Variants in EXD3 observed in about 807,000 individuals in gnomAD.
EXD3 encodes exonuclease 3'-5' domain containing 3, also known as exonuclease mut-7 homolog.
In EXD3, 92 loss-of-function variants were observed where a neutral mutation model predicts 98.0. That is an observed-to-expected ratio of 0.94 (90% CI 0.79 to 1.12). The LOEUF (loss-of-function observed/expected upper bound fraction) is 1.12. Among genes scored for constraint, EXD3 ranks in the 50% most tolerant of loss-of-function variants. The pLI is 0.00. For synonymous variants in EXD3, 569 were observed against 526.0 expected, an observed-to-expected ratio of 1.08 and a Z score of -1.12; for missense variants, 1,222 against 1,191.6, an observed-to-expected ratio of 1.03 and a Z score of -0.38.
At chr9:137,417,487 CCCCACAG>C in intron 1 of EXD3, among the ~76,000 whole-genome samples, 1 of 152,288 alleles carries the variant, frequency 6.6e-6, no homozygotes, top group Non-Finnish European at 1.5e-5. Context: ...CGTGGCCACA[CCCCACAG>C]CCCACCCGTT....
chr9:137,396,632 C>T (rs143309652), intron 1 of EXD3, among the ~76,000 whole-genome samples: 306 of 152,320 alleles, frequency 2.0e-3, no homozygotes, highest in African/African-American at 7.1e-3. Context: ...CAACACGCAC[C>T]CCTAAACACA....
At chr9:137,380,244 A>C (rs1836162269) in intron 3 of EXD3, among the ~76,000 whole-genome samples, 1 of 150,104 alleles carries the variant, frequency 6.7e-6, no homozygotes, top group South Asian at 2.1e-4. Context: ...CCTCAGCTAC[A>C]AAGAGCCTCC....
chr9:137,322,522 G>A (rs1255516244), intron 19 of EXD3, among the ~76,000 whole-genome samples: 2 of 81,296 alleles, frequency 2.5e-5, no homozygotes, highest in African/African-American at 5.1e-5. Flanking sequence ...CCCGGACCAC[G>A]AGGGATGCTC....
intron 3 of EXD3, chr9:137,374,449 G>T: frequency 1.8e-6 from 1 of 550,978 alleles, no homozygotes; most frequent in Non-Finnish European, 2.3e-6. Context: ...CTGCGATGTG[G>T]ATGGTGTGCT....
chr9:137,314,704 A>G (rs1831549359), intron 19 of EXD3, among the ~76,000 whole-genome samples: 1 of 151,846 alleles, frequency 6.6e-6, no homozygotes, highest in South Asian at 2.1e-4. Context: ...TGGCCAGGAC[A>G]ATGTCTCCAC....
intron 3 of EXD3, 147 bp downstream of exon 3, chr9:137,383,166 T>C: frequency 1.6e-6 from 1 of 644,442 alleles, no homozygotes; most frequent in East Asian, 3.1e-5. Flanking sequence ...CTGGAGGCGG[T>C]CTGGGGCAGC....
At chr9:137,353,961 G>C in intron 10 of EXD3, 2 of 1,073,132 alleles carry the variant, frequency 1.9e-6, no homozygotes, top group African/African-American at 1.7e-5. Flanking sequence ...CCGGCTCTGC[G>C]CTGGCACCGG....
intron 17 of EXD3, among the ~76,000 whole-genome samples, chr9:137,338,809 C>T (rs937539707): frequency 1.3e-5 from 2 of 149,048 alleles, no homozygotes; most frequent in South Asian, 4.2e-4. Flanking sequence ...AGGAGAATGG[C>T]GTGAACCCGG....
At position 137,383,311 on chromosome 9, in the gene EXD3, A is replaced by G; in HGVS notation, c.120+2T>C. The G allele has an allele frequency of 6.5e-7, 1 of 1,549,224 alleles. No homozygotes were observed. The highest frequency in any genetic ancestry group is 8.7e-7 in the Non-Finnish European group (1 of 1,146,126). ...CACGTGGTGGCTGCCACGTCCACTC[A>G]CCTGCTTCCGCTCCCGCGTGGACCA... On this transcript the variant is annotated splice_donor_variant, in intron 3 of 21. Coordinates refer to ENST00000340951, the MANE Select transcript of EXD3 (RefSeq NM_017820.5). LOFTEE classifies it high-confidence loss of function.
chr9:137,421,774 G>C (rs1838526262), intron 1 of EXD3, among the ~76,000 whole-genome samples: 1 of 152,184 alleles, frequency 6.6e-6, no homozygotes, highest in Non-Finnish European at 1.5e-5. Flanking sequence ...AGAGTTCAAG[G>C]CTGCGATGAG....
chr9:137,311,881 G>T (rs1831378738), intron 19 of EXD3, among the ~76,000 whole-genome samples: 1 of 152,154 alleles, frequency 6.6e-6, no homozygotes, highest in African/African-American at 2.4e-5. Context: ...GAGTGGTGCT[G>T]GTGGCCCAGC....
At chr9:137,353,700 G>A (rs528410572) in intron 10 of EXD3, 1 of 985,506 alleles carries the variant, frequency 1.0e-6, no homozygotes, top group African/African-American at 1.7e-5. Flanking sequence ...ACAAGCGAGG[G>A]TCTCCCTCCC....
At chr9:137,315,483 C>A (rs759581548) in intron 19 of EXD3, among the ~76,000 whole-genome samples, 16 of 152,086 alleles carry the variant, frequency 1.1e-4, no homozygotes, top group Non-Finnish European at 4.4e-5. Flanking sequence ...GGGTGTGGCC[C>A]CTGTTGCAGC....
At chr9:137,376,119 C>T (rs1477950801) in intron 3 of EXD3, among the ~76,000 whole-genome samples, 2 of 151,856 alleles carry the variant, frequency 1.3e-5, no homozygotes, top group Admixed American at 1.3e-4. Flanking sequence ...CTGAGGCGGG[C>T]AGATCACGAG....
chr9:137,393,275 G>T lies in EXD3; in HGVS notation c.55+2028C>A, dbSNP rs1837033061. 1.4e-6 allele frequency: 1 copy of T among 701,680 alleles called. No individual in the cohort carries two copies. The highest frequency in any genetic ancestry group is 2.6e-6 in the Non-Finnish European group (1 of 384,494). The allele number at this position is 701,680 out of a possible 1,614,324, so 43.5% of individuals were successfully genotyped here. A position where few individuals can be genotyped will look rare whatever the true frequency, so the allele number is the denominator to read the frequency against. ...TCAGCTCTGTGCTGAGGCGAACCCA[G>T]GGTCCCATGCGCTCCCCGGCCCTGA... On this transcript the variant is annotated intron_variant, in intron 2 of 21. Coordinates refer to ENST00000340951, the MANE Select transcript of EXD3 (RefSeq NM_017820.5). This position sits in a 1 kb window ranked among gnomAD's most constrained non-coding sequence, Gnocchi z 4.6.
At chr9:137,315,072 C>G (rs1831570774) in intron 19 of EXD3, among the ~76,000 whole-genome samples, 1 of 152,164 alleles carries the variant, frequency 6.6e-6, no homozygotes, top group Non-Finnish European at 1.5e-5. Context: ...TGGAATGTGC[C>G]CCCTGGAGCC....
chr9:137,354,199 G>A (rs752891046), intron 10 of EXD3, 140 bp downstream of exon 10: 29 of 1,455,858 alleles, frequency 2.0e-5, no homozygotes, highest in Non-Finnish European at 2.5e-5. Context: ...CCAGCCACAC[G>A]CCCCAACATG....
chr9:137,404,753 G>A (rs1224532817), intron 1 of EXD3, among the ~76,000 whole-genome samples: 2 of 152,082 alleles, frequency 1.3e-5, no homozygotes, highest in African/African-American at 2.4e-5. Context: ...TCAGCTACTT[G>A]GGAGGCTGAG....
In EXD3 at chr9:137,402,292, G is replaced by T. The variant is rs573782054; in HGVS notation, c.-47-6888C>A. Among the ~76,000 whole-genome samples the T allele has an allele frequency of 3.5e-4, 54 of 152,316 alleles. 1 individual carries two copies. The South Asian group carries it at 0.011, about 30-fold the overall frequency. On this transcript the variant is annotated intron_variant, in intron 1 of 21. Transcript: ENST00000340951. ...GCCTCCCAAAGTGTGGGGATTACAG[G>T]TGTGAGCCATTGTGCCTGGTCCCAG...
Sources: gnomAD v4.1 joint callset for allele counts (sites outside exome capture counted in the v4.1 genomes callset) on GRCh38, gnomAD v4.1.1 for gene constraint, Gnocchi (gnomAD v3.1) non-coding constraint, MANE v1.5 for transcripts, NCBI Gene and HGNC (gene_info 2026-07-23, HGNC 2026-07-21) for gene names.